The following SAMD4B variants were observed in gnomAD, a reference collection of about 807,000 sequenced individuals.
SAMD4B encodes sterile alpha motif domain containing 4B.
Under a neutral mutation model 74.5 loss-of-function variants are expected in SAMD4B, and 5 were observed. The observed-to-expected ratio is 0.07, with a 90% CI of 0.04 to 0.14. The LOEUF is 0.14. SAMD4B is among the 10% of genes least tolerant of loss of function. The pLI, the probability that SAMD4B is intolerant of heterozygous loss-of-function variation, is 1.00. For missense variants in SAMD4B, 608 were observed against 921.8 expected (o/e 0.66, Z 4.41); for synonymous variants, 373 against 374.9 (o/e 1.00, Z 0.06).
At chr19:39,370,557 C>T (rs1178291902) in intron 4 of SAMD4B, among the ~76,000 whole-genome samples, 1 of 152,162 alleles carries the variant, frequency 6.6e-6, no homozygotes, top group African/African-American at 2.4e-5. Context: ...CACCAACCCC[C>T]CTTTGGGCAT....
At chr19:39,367,885 G>A (rs1180000836) in intron 3 of SAMD4B, among the ~76,000 whole-genome samples, 2 of 151,696 alleles carry the variant, frequency 1.3e-5, no homozygotes, top group Non-Finnish European at 2.9e-5. Context: ...GCCAGCCTGG[G>A]GCCATATTCT....
chr19:39,375,978 T>G lies in SAMD4B; in HGVS notation c.907+89T>G. On this transcript the variant is annotated intron_variant, in intron 5 of 13. Coordinates refer to ENST00000610417, the MANE Select transcript of SAMD4B (RefSeq NM_001384574.2). The surrounding 1 kb of genome is among the most constrained non-coding windows in gnomAD (Gnocchi z 4.1). The stretch of plus-strand genomic sequence containing the variant: ...AAAGGAGCTTGTAGCTGACACCTGC[T>G]TACCCCTCTGAGGAGGGGACATGTC... 6.6e-6 allele frequency: 10 copies of G among 1,522,932 alleles called. No homozygotes were observed. Among genetic ancestry groups the G allele is most frequent in the Non-Finnish European group, 8.8e-6 (10 of 1,132,006 alleles). The allele number at this position is 1,522,932 out of a possible 1,614,324, so 94.3% of individuals were successfully genotyped here.
At position 39,383,395 on chromosome 19, in the gene SAMD4B, G is replaced by A; in HGVS notation, c.2056+104G>A. 6.4e-7 allele frequency: 1 copy of A among 1,567,200 alleles called. No individual in the cohort carries two copies. Among genetic ancestry groups the A allele is most frequent in the Non-Finnish European group, 8.8e-7 (1 of 1,137,272 alleles). The stretch of plus-strand genomic sequence containing the variant: ...CCTGAGGGGTCCCCAGGGGAGGCCA[G>A]ACTCCAGGGAGGGCCTGACTGGGAT... On this transcript the variant is annotated intron_variant, in intron 13 of 13. Coordinates refer to ENST00000610417, the MANE Select transcript of SAMD4B (RefSeq NM_001384574.2). The surrounding 1 kb of genome is among the most constrained non-coding windows in gnomAD (Gnocchi z 4.1).
downstream of SAMD4B, chr19:39,389,414 C>T: frequency 1.2e-6 from 2 of 1,611,460 alleles, no homozygotes; most frequent in South Asian, 1.1e-5. The surrounding 1 kb of genome is among the most constrained non-coding windows in gnomAD (Gnocchi z 5.3). Context: ...TCTCAGGACC[C>T]CACTGCCCTC....
rs777657130 is a variant in SAMD4B, at chr19:39,377,562, C to T, written c.1182C>T (p.Tyr394=). 4 of 1,613,286 alleles carry T rather than the reference C, an allele frequency of 2.5e-6. No homozygotes were observed. Among genetic ancestry groups the T allele is most frequent in the East Asian group, 2.2e-5 (1 of 44,850 alleles). ...QQIIITPIKA[Y]SVLQATVAAA... ...TCATCATCACTCCCATCAAGGCCTA[C>T]AGTGTCCTCCAGGCCACCGTGGCTG... Residue 394 remains tyrosine (Y), a synonymous_variant, in exon 8 of 14, where the codon TAC becomes TAT. Transcript: ENST00000610417.
intron 10 of SAMD4B, 117 bp downstream of exon 10, chr19:39,380,201 G>A: frequency 1.3e-6 from 1 of 775,628 alleles, no homozygotes; most frequent in Non-Finnish European, 2.0e-6. Flanking sequence ...TTCAGTCACT[G>A]GGCGACTTTC....
At chr19:39,365,753 C>G (rs1214342355) in intron 3 of SAMD4B, among the ~76,000 whole-genome samples, 2 of 152,150 alleles carry the variant, frequency 1.3e-5, no homozygotes, top group Non-Finnish European at 2.9e-5. Context: ...AGTAAATGCT[C>G]AATAAACAGT....
In SAMD4B at chr19:39,383,757, A is replaced by T; in HGVS notation, c.*230A>T. On this transcript the variant is annotated 3_prime_UTR_variant, in exon 14 of 14. Coordinates refer to ENST00000610417, the MANE Select transcript of SAMD4B (RefSeq NM_001384574.2). The surrounding 1 kb of genome is among the most constrained non-coding windows in gnomAD (Gnocchi z 4.1). Reference sequence around the variant, plus strand: ...GCCCGGGGAGTTGGGGGCAGCCAGGATAAAGGGGGCAGGGACTGGCCAGAC... The same window carrying T: ...GCCCGGGGAGTTGGGGGCAGCCAGGTTAAAGGGGGCAGGGACTGGCCAGAC... 3 of 1,512,994 alleles carry T rather than the reference A, an allele frequency of 2.0e-6. No homozygotes were observed. Among genetic ancestry groups the T allele is most frequent in the Non-Finnish European group, 2.7e-6 (3 of 1,127,048 alleles). The allele number at this position is 1,512,994 out of a possible 1,614,324, so 93.7% of individuals were successfully genotyped here.
At chr19:39,344,625 A>T (rs557667888) in intron 1 of SAMD4B, among the ~76,000 whole-genome samples, 2 of 151,990 alleles carry the variant, frequency 1.3e-5, no homozygotes, top group South Asian at 4.2e-4. Flanking sequence ...TCATTTCCCC[A>T]TTCTCTTTCC....
Position 39,383,805 on chromosome 19 carries a change from C to A in SAMD4B, c.*278C>A. ...GACTGCCTGCCTCTCTCCTTTCCTT[C>A]CTCATCCCCACCTGGTCCCATCCCA... On this transcript the variant is annotated 3_prime_UTR_variant, in exon 14 of 14. Coordinates refer to ENST00000610417, the MANE Select transcript of SAMD4B (RefSeq NM_001384574.2). The surrounding 1 kb of genome is among the most constrained non-coding windows in gnomAD (Gnocchi z 4.1). The A allele has an allele frequency of 2.4e-6, 3 of 1,253,972 alleles. No homozygotes were observed. Among genetic ancestry groups the A allele is most frequent in the Non-Finnish European group, 3.3e-6 (3 of 903,032 alleles). 77.7% of individuals were successfully genotyped at this position (1,253,972 alleles called of 1,614,324 possible). A position where few individuals can be genotyped will look rare whatever the true frequency, so the allele number is the denominator to read the frequency against.
chr19:39,380,697 G>A lies in SAMD4B; in HGVS notation c.1760G>A (p.Arg587Gln), dbSNP rs1359044482. Reference sequence around the variant, plus strand: ...CCTCCCCGGGCCCTCCCACCCGGCCGGATGGGCCTCCTGAGCCCCTCGGGC... The same window carrying A: ...CCTCCCCGGGCCCTCCCACCCGGCCAGATGGGCCTCCTGAGCCCCTCGGGC... ...PMPPRALPPG[R>Q]MGLLSPSGIG... Residue 587 changes from arginine to glutamine, a missense_variant, in exon 11 of 14, where the codon CGG (arginine) becomes CAG (glutamine). By Grantham distance (43) the Arg-to-Gln change is conservative. Around this residue, in one of 9 missense-constraint regions of SAMD4B, gnomAD observed 167 missense variants for 193.0 expected, o/e 0.87. Transcript: ENST00000610417. 8.1e-6 allele frequency: 13 copies of A among 1,612,434 alleles called. No homozygotes were observed. Among genetic ancestry groups the A allele is most frequent in the East Asian group, 2.2e-5 (1 of 44,858 alleles).
chr19:39,386,283 C>A, downstream of SAMD4B: 2 of 1,614,174 alleles, frequency 1.2e-6, no homozygotes, highest in Non-Finnish European at 1.7e-6. This position sits in a 1 kb window ranked among gnomAD's most constrained non-coding sequence, Gnocchi z 6.1. Context: ...CTCGTCCTCA[C>A]CACTGCCACT....
intron 1 of SAMD4B, among the ~76,000 whole-genome samples, chr19:39,353,403 TAGC>T (rs1340264201): frequency 4.6e-5 from 7 of 152,230 alleles, no homozygotes; most frequent in African/African-American, 4.8e-5. Flanking sequence ...AAGATAGTGT[TAGC>T]AGCCGAGGGT....
rs1032208466 is a variant in SAMD4B, at chr19:39,375,690, C to T, written c.708C>T (p.Ser236=). 12 of 1,613,606 alleles carry T rather than the reference C, an allele frequency of 7.4e-6. No homozygotes were observed. Among genetic ancestry groups the T allele is most frequent in the Non-Finnish European group, 8.5e-6 (10 of 1,179,560 alleles). ...TCCACCCTAGCCCACTGAAGCGCTC[C>T]ATGTCACTCATCCCTACAAGCCCCC... ...CQIHPSPLKR[S]MSLIPTSPQV... is the part of the protein sequence containing the mutation. Residue 236 remains serine, a synonymous_variant, in exon 5 of 14, where the codon TCC becomes TCT. Transcript: ENST00000610417. This position sits in a 1 kb window ranked among gnomAD's most constrained non-coding sequence, Gnocchi z 4.1.
intron 3 of SAMD4B, among the ~76,000 whole-genome samples, chr19:39,359,690 T>G (rs2076537321): frequency 6.6e-6 from 1 of 152,238 alleles, no homozygotes; most frequent in African/African-American, 2.4e-5. Flanking sequence ...AATGACTTGC[T>G]GTGGGTCACA....
chr19:39,353,948 A>C (rs1443264043), intron 1 of SAMD4B, 58 bp from the exon 2 acceptor site: 1 of 152,184 alleles, frequency 6.6e-6, no homozygotes, highest in Non-Finnish European at 1.5e-5. Context: ...ACAATGTGGG[A>C]TCTGCCCCAG....
intron 8 of SAMD4B, 30 bp downstream of exon 8, chr19:39,377,854 C>G: frequency 6.5e-7 from 1 of 1,540,910 alleles, no homozygotes; most frequent in Non-Finnish European, 8.8e-7. Flanking sequence ...AGCAGGAAAT[C>G]CTGAGGCAGA....
chr19:39,369,549 T>C (rs1425094620), intron 3 of SAMD4B, 106 bp from the exon 4 acceptor site: 4 of 874,630 alleles, frequency 4.6e-6, no homozygotes, highest in Admixed American at 2.8e-5. Flanking sequence ...AAAATCGTTA[T>C]GAAAAGAAGA....
rs898213634 is a variant in SAMD4B at position 39,383,319 on chromosome 19, G to C, written c.2056+28G>C. ...GAGCATTTCCTCTTTCCCTGACCCA[G>C]CTCCCACCTACCCAGCGTCTCTGCC... On this transcript the variant is annotated intron_variant, in intron 13 of 13. Coordinates refer to ENST00000610417, the MANE Select transcript of SAMD4B (RefSeq NM_001384574.2). This position sits in a 1 kb window ranked among gnomAD's most constrained non-coding sequence, Gnocchi z 4.1. The C allele has an allele frequency of 1.9e-6, 3 of 1,609,226 alleles. No homozygotes were observed. In the South Asian group the frequency reaches 3.3e-5, roughly 18 times the overall value.
Sources: allele counts gnomAD v4.1 joint callset (sites outside exome capture counted in the v4.1 genomes callset), GRCh38; gene constraint gnomAD v4.1.1; regional missense constraint gnomAD v4.1.1; non-coding constraint Gnocchi (gnomAD v3.1); transcripts MANE v1.5; gene names NCBI Gene and HGNC (gene_info 2026-07-23, HGNC 2026-07-21).